RBFOX1: variants seen among roughly 807,000 people sequenced by gnomAD.
The protein encoded by RBFOX1 is RNA binding protein fox-1 homolog 1.
A neutral mutation model predicts 57.7 loss-of-function variants in RBFOX1; 8 were observed. The observed-to-expected ratio is 0.14, with a 90% confidence interval of 0.08 to 0.25. The LOEUF (loss-of-function observed/expected upper bound fraction) is 0.25, where lower values mean the gene tolerates loss of function less well. Among genes scored for constraint, RBFOX1 ranks in the 10% least tolerant of loss-of-function variants. The probability of loss-of-function intolerance (pLI) is 1.00; values close to 1 mark genes in which losing one functional copy is unlikely to be tolerated. For synonymous variants in RBFOX1, 326 were observed against 222.4 expected, an observed-to-expected ratio of 1.47 and a Z score of -4.15; for missense variants, 611 against 548.5, an observed-to-expected ratio of 1.11 and a Z score of -1.14.
chr16:7,710,869 A>T lies in RBFOX1; in HGVS notation c.*124A>T. 2.0e-6 allele frequency: 2 copies of T among 1,001,794 alleles called. No individual in the cohort carries two copies. The highest frequency in any genetic ancestry group is 2.6e-6 in the Non-Finnish European group (2 of 757,934). The allele number at this position is 1,001,794 out of a possible 1,614,324, so 62.1% of individuals were successfully genotyped here. On this transcript the variant is annotated 3_prime_UTR_variant, in exon 16 of 16. Coordinates refer to ENST00000550418, the MANE Select transcript of RBFOX1 (RefSeq NM_018723.4). ...TAAAAAAAAAAAAAATACAAATAAA[A>T]AGGAAAAAAAATTACATTTTTTATC...
At chr16:6,860,075 C>A (rs557559927) in intron 3 of RBFOX1, among the ~76,000 whole-genome samples, 1 of 152,274 alleles carries the variant, frequency 6.6e-6, no homozygotes, top group East Asian at 1.9e-4. Flanking sequence ...GAAGAGAGAG[C>A]ATTTGGAATT....
chr16:7,497,265 C>G (rs534556349), intron 4 of RBFOX1, among the ~76,000 whole-genome samples: 9 of 152,268 alleles, frequency 5.9e-5, no homozygotes, highest in African/African-American at 1.9e-4. Flanking sequence ...CACCTATACT[C>G]CAGCCATATT....
Position 5,618,076 on chromosome 16 carries a change from A to G in RBFOX1, c.318+19115A>G, listed in dbSNP as rs79957504. 8.3e-3 allele frequency among the ~76,000 whole-genome samples: 1,267 copies of G among 152,322 alleles called. 35 individuals are homozygous for G. The East Asian group carries it at 0.11, about 13-fold the overall frequency. Reference sequence around the variant, plus strand: ...ACATTATGAATTTTTACATCTGTGTATCTCTGGATTACTACCACTCAGATC... The same window carrying G: ...ACATTATGAATTTTTACATCTGTGTGTCTCTGGATTACTACCACTCAGATC... On this transcript the variant is annotated intron_variant, in intron 3 of 19. Transcript: ENST00000641259.
At chr16:6,486,033 T>A (rs1187049175) in intron 2 of RBFOX1, among the ~76,000 whole-genome samples, 1 of 147,444 alleles carries the variant, frequency 6.8e-6, no homozygotes, top group African/African-American at 2.5e-5. Flanking sequence ...TTTTTTCCTC[T>A]CTCTACTAGG....
At chr16:7,556,406 C>T (rs13334178) in intron 5 of RBFOX1, among the ~76,000 whole-genome samples, 42,503 of 152,060 alleles carry the variant, frequency 0.28, 6,722 homozygotes, top group Non-Finnish European at 0.36. Context: ...TAACTCAGAT[C>T]CCTTTCTTAG....
At chr16:6,489,437 C>G (rs2095580316) in intron 2 of RBFOX1, among the ~76,000 whole-genome samples, 1 of 152,036 alleles carries the variant, frequency 6.6e-6, no homozygotes, top group Admixed American at 6.6e-5. Flanking sequence ...TTGTTTTTAT[C>G]TACTTTTTAC....
At chr16:5,277,537 C>T (rs1567269805) in intron 1 of RBFOX1, among the ~76,000 whole-genome samples, 1 of 152,108 alleles carries the variant, frequency 6.6e-6, no homozygotes, top group South Asian at 2.1e-4. Context: ...TATATTTTTA[C>T]ACCCATTAAT....
intron 4 of RBFOX1, among the ~76,000 whole-genome samples, chr16:7,474,089 C>T (rs2062119688): frequency 6.6e-6 from 1 of 152,114 alleles, no homozygotes; most frequent in Non-Finnish European, 1.5e-5. Flanking sequence ...GAGTTTGAGA[C>T]CAGTCTGGCC....
chr16:5,636,958 G>T (rs1185222026), intron 3 of RBFOX1, among the ~76,000 whole-genome samples: 1 of 152,218 alleles, frequency 6.6e-6, no homozygotes, highest in East Asian at 1.9e-4. Context: ...TTGCCAGCGT[G>T]CGCTGCTAAT....
intron 4 of RBFOX1, among the ~76,000 whole-genome samples, chr16:7,336,146 C>T (rs1196879946): frequency 6.6e-6 from 1 of 152,148 alleles, no homozygotes; most frequent in Non-Finnish European, 1.5e-5. Flanking sequence ...ACACAGGAGC[C>T]TCAGTCACTT....
chr16:7,546,751 G>C (rs2084661322), intron 5 of RBFOX1, among the ~76,000 whole-genome samples: 1 of 152,096 alleles, frequency 6.6e-6, no homozygotes, highest in Middle Eastern at 3.4e-3. Context: ...CATTGCCTGG[G>C]ATCATTTGGA....
chr16:7,485,062 CTTT>C (rs57122573), intron 4 of RBFOX1, among the ~76,000 whole-genome samples: 2 of 147,678 alleles, frequency 1.4e-5, no homozygotes, highest in African/African-American at 2.5e-5. Flanking sequence ...CATTAATCCA[CTTT>C]TTTTTTTTTT....
intron 11 of RBFOX1, among the ~76,000 whole-genome samples, chr16:7,638,349 G>T (rs570230088): frequency 6.6e-6 from 1 of 152,248 alleles, no homozygotes; most frequent in Admixed American, 6.5e-5. Flanking sequence ...GCTTGTCCGA[G>T]ATCACCCAGC....
rs60151187 is a variant in RBFOX1, at chr16:6,989,011, C to G, written c.-15-63046C>G. Reference sequence around the variant, plus strand: ...CTCCTGGCCTGAGGTGATCCACCCCCCTCGGACTCCCAAAGTGCTGGGATT... The same window carrying G: ...CTCCTGGCCTGAGGTGATCCACCCCGCTCGGACTCCCAAAGTGCTGGGATT... On this transcript the variant is annotated intron_variant, in intron 3 of 15. Coordinates refer to ENST00000550418, the MANE Select transcript of RBFOX1 (RefSeq NM_018723.4). Among the ~76,000 whole-genome samples, 65 of 152,086 alleles carry G rather than the reference C, an allele frequency of 4.3e-4. 1 individual carries two copies. The highest frequency in any genetic ancestry group is 3.7e-3 in the Admixed American group (56 of 15,284).
chr16:6,965,371 C>A (rs371333399), intron 3 of RBFOX1, among the ~76,000 whole-genome samples: 3 of 148,522 alleles, frequency 2.0e-5, no homozygotes, highest in Non-Finnish European at 4.5e-5. Context: ...ATGATGGAGT[C>A]TTGGTCTGTT....
chr16:7,401,943 A>G (rs1568650888), intron 4 of RBFOX1, among the ~76,000 whole-genome samples: 1 of 152,208 alleles, frequency 6.6e-6, no homozygotes, highest in Non-Finnish European at 1.5e-5. Flanking sequence ...TCTCCAAAAG[A>G]GGAATGTCAT....
chr16:6,093,127 C>A (rs1309624016), intron 1 of RBFOX1, among the ~76,000 whole-genome samples: 1 of 152,024 alleles, frequency 6.6e-6, no homozygotes, highest in East Asian at 1.9e-4. Context: ...GTTGGCTATC[C>A]CCAAAAAGAT....
In RBFOX1 at chr16:6,654,677, G is replaced by A. The variant is rs751236639; in HGVS notation, c.-16+27G>A. 8 of 1,489,076 alleles carry A rather than the reference G, an allele frequency of 5.4e-6. No homozygotes were observed. The Admixed American group carries it at 1.9e-4, about 36-fold the overall frequency. 92.2% of individuals were successfully genotyped at this position (1,489,076 alleles called of 1,614,324 possible). A position where few individuals can be genotyped will look rare whatever the true frequency, so the allele number is the denominator to read the frequency against. On this transcript the variant is annotated intron_variant, in intron 3 of 15. Coordinates refer to ENST00000550418, the MANE Select transcript of RBFOX1 (RefSeq NM_018723.4). The stretch of plus-strand genomic sequence containing the variant: ...TGAGTCAATATTTTTCATTTTTAGG[G>A]TTGCAAACAAAACAAGAACTCTGTG...
intron 3 of RBFOX1, among the ~76,000 whole-genome samples, chr16:5,859,465 A>G (rs2057155571): frequency 1.3e-5 from 2 of 152,218 alleles, no homozygotes. Flanking sequence ...CAGGTAAGGT[A>G]ACTTTCCCAT....
Sources: allele counts gnomAD v4.1 joint callset (sites outside exome capture counted in the v4.1 genomes callset), GRCh38; gene constraint gnomAD v4.1.1; transcripts MANE v1.5; gene names NCBI Gene and HGNC (gene_info 2026-07-23, HGNC 2026-07-21).